Variants in MTX2 observed in about 807,000 individuals in gnomAD.
MTX2 encodes metaxin-2.
MTX2 carries 35 observed loss-of-function variants against 42.3 expected under a neutral mutation model. The ratio of observed to expected loss-of-function variants is 0.83; its 90% CI spans 0.63 to 1.10. The LOEUF (loss-of-function observed/expected upper bound fraction) is 1.10, where lower values mean the gene tolerates loss of function less well. Among genes scored for constraint, MTX2 ranks in the 50% least tolerant of loss-of-function variants. The pLI is 0.00. For synonymous variants in MTX2, 119 were observed against 100.9 expected, an observed-to-expected ratio of 1.18 and a Z score of -1.08; for missense variants, 307 against 304.1, an observed-to-expected ratio of 1.01 and a Z score of -0.07.
intron 3 of MTX2, among the ~76,000 whole-genome samples, chr2:176,322,425 G>A (rs1352320636): frequency 1.3e-5 from 2 of 151,914 alleles, no homozygotes; most frequent in Non-Finnish European, 2.9e-5. Flanking sequence ...TAGACAAAAG[G>A]TTTGTCTTCC....
intron 1 of MTX2, among the ~76,000 whole-genome samples, chr2:176,276,739 C>T (rs1443510954): frequency 6.6e-6 from 1 of 152,122 alleles, no homozygotes; most frequent in Non-Finnish European, 1.5e-5. Context: ...TATCCCATTA[C>T]CATTTTGGAC....
intron 3 of MTX2, among the ~76,000 whole-genome samples, chr2:176,311,921 A>C (rs1684320850): frequency 6.6e-6 from 1 of 152,142 alleles, no homozygotes; most frequent in African/African-American, 2.4e-5. Flanking sequence ...CTGCCCATCC[A>C]GTCCCAGTGA....
At chr2:176,329,149 A>C in intron 7 of MTX2, 152 bp from the exon 8 acceptor site, 1 of 1,048,126 alleles carries the variant, frequency 9.5e-7, no homozygotes, top group South Asian at 2.1e-5. Context: ...GAATGGCTTA[A>C]AATTTTAATT....
intron 4 of MTX2, among the ~76,000 whole-genome samples, chr2:176,324,137 G>T (rs1684648984): frequency 6.6e-6 from 1 of 151,330 alleles, no homozygotes; most frequent in Non-Finnish European, 1.5e-5. Context: ...TTGTAATTAT[G>T]GTTTTGTTGG....
At chr2:176,326,706 T>C in intron 4 of MTX2, 119 bp from the exon 5 acceptor site, 2 of 642,160 alleles carry the variant, frequency 3.1e-6, no homozygotes, top group Non-Finnish European at 5.0e-6. Flanking sequence ...TTTCAAAAGT[T>C]ACAGTTTTAT....
At chr2:176,321,459 G>A (rs1575057712) in intron 3 of MTX2, among the ~76,000 whole-genome samples, 1 of 152,140 alleles carries the variant, frequency 6.6e-6, no homozygotes, top group African/African-American at 2.4e-5. Flanking sequence ...GGCAGTGAGT[G>A]ACAGAAACCC....
At chr2:176,319,710 G>A (rs533938172) in intron 3 of MTX2, among the ~76,000 whole-genome samples, 2 of 151,932 alleles carry the variant, frequency 1.3e-5, no homozygotes, top group African/African-American at 4.8e-5. Context: ...TGAGTAGCTG[G>A]GACTACAGGC....
Position 176,328,909 on chromosome 2 carries a change from G to A in MTX2, c.414G>A (p.Gly138=), listed in dbSNP as rs1302501323. The A allele has an allele frequency of 1.2e-6, 2 of 1,605,102 alleles. No individual in the cohort carries two copies. Among genetic ancestry groups the A allele is most frequent in the Non-Finnish European group, 1.7e-6 (2 of 1,173,946 alleles). ...YLQWCDEATV[G]EITHARYGSP... The stretch of plus-strand genomic sequence containing the variant: ...AGTGGTGTGATGAAGCTACAGTAGG[G>A]GAGGTGAGTGGTTCTGTAACATTTA... Residue 138 remains glycine, a synonymous_variant, in exon 7 of 10, where the codon GGG becomes GGA. Transcript: ENST00000249442.
At chr2:176,314,237 A>AGG (rs1379040084) in intron 3 of MTX2, among the ~76,000 whole-genome samples, 1 of 152,116 alleles carries the variant, frequency 6.6e-6, no homozygotes, top group East Asian at 1.9e-4. Context: ...GGAGTTCACG[A>AGG]CCAGCCTGGC....
chr2:176,291,407 A>C (rs959013586), intron 1 of MTX2, among the ~76,000 whole-genome samples: 2 of 152,192 alleles, frequency 1.3e-5, no homozygotes, highest in Non-Finnish European at 2.9e-5. Context: ...ATTACCTGCT[A>C]TGTGCTAGGT....
chr2:176,298,582 T>A (rs1286404156), intron 3 of MTX2, among the ~76,000 whole-genome samples: 4 of 152,156 alleles, frequency 2.6e-5, no homozygotes, highest in Non-Finnish European at 5.9e-5. Context: ...ATTATAGTTA[T>A]CCAAACATTT....
intron 3 of MTX2, among the ~76,000 whole-genome samples, chr2:176,312,125 T>A (rs1195296032): frequency 6.6e-6 from 1 of 152,242 alleles, no homozygotes; most frequent in Non-Finnish European, 1.5e-5. Flanking sequence ...TTGTAACTAT[T>A]GATTTTTTAA....
At chr2:176,299,558 C>T (rs777291009) in intron 3 of MTX2, among the ~76,000 whole-genome samples, 3 of 151,954 alleles carry the variant, frequency 2.0e-5, no homozygotes, top group Non-Finnish European at 2.9e-5. Context: ...TGTTTTTATC[C>T]TACATATGTC....
intron 1 of MTX2, among the ~76,000 whole-genome samples, chr2:176,292,117 C>G (rs1461912055): frequency 6.6e-6 from 1 of 152,174 alleles, no homozygotes; most frequent in Non-Finnish European, 1.5e-5. Context: ...TCCTCAGCCT[C>G]CATTTCTTAC....
intron 1 of MTX2, among the ~76,000 whole-genome samples, chr2:176,287,344 T>C (rs1693229390): frequency 6.6e-6 from 1 of 152,188 alleles, no homozygotes; most frequent in Admixed American, 6.6e-5. Flanking sequence ...CTATACATAT[T>C]TATATACACT....
chr2:176,275,649 A>G (rs1692929388), intron 1 of MTX2, among the ~76,000 whole-genome samples: 1 of 152,188 alleles, frequency 6.6e-6, no homozygotes, highest in African/African-American at 2.4e-5. Flanking sequence ...ATTTTTCAAT[A>G]CATTACTCAC....
At chr2:176,329,534 C>T in intron 8 of MTX2, 108 bp downstream of exon 8, 7 of 1,122,272 alleles carry the variant, frequency 6.2e-6, no homozygotes, top group Non-Finnish European at 8.3e-6. Flanking sequence ...TGCAAGAAAA[C>T]CATTTCCTGT....
intron 1 of MTX2, among the ~76,000 whole-genome samples, chr2:176,285,320 C>A (rs1693171680): frequency 6.6e-6 from 1 of 151,470 alleles, no homozygotes; most frequent in Admixed American, 6.6e-5. Flanking sequence ...TTAAGATTTT[C>A]TGTTCAGCTT....
intron 3 of MTX2, among the ~76,000 whole-genome samples, chr2:176,316,558 T>A (rs1296488348): frequency 2.0e-5 from 3 of 151,926 alleles, no homozygotes; most frequent in Non-Finnish European, 4.4e-5. Context: ...CACACCATCA[T>A]GCTTGTCCAT....
Sources: gnomAD v4.1 joint callset for allele counts (sites outside exome capture counted in the v4.1 genomes callset) on GRCh38, gnomAD v4.1.1 for gene constraint, MANE v1.5 for transcripts, NCBI Gene and HGNC (gene_info 2026-07-23, HGNC 2026-07-21) for gene names.